The following WDR49 variants were observed in gnomAD, a reference collection of about 807,000 sequenced individuals.
WDR49 encodes cilia- and flagella-associated protein 337.
Under a neutral mutation model 119.5 loss-of-function variants are expected in WDR49, and 107 were observed. The ratio of observed to expected loss-of-function variants is 0.90; its 90% CI spans 0.77 to 1.05. WDR49 has a LOEUF of 1.05. Ranked by LOEUF, WDR49 falls within the 50% of genes least tolerant of loss-of-function variation. The pLI is 0.00. For missense variants in WDR49, 1,240 were observed against 1,220.5 expected, an observed-to-expected ratio of 1.02 and a Z score of -0.24; for synonymous variants, 425 against 418.8, an observed-to-expected ratio of 1.01 and a Z score of -0.18.
At chr3:167,491,040 T>G (rs1333304277) in intron 18 of WDR49, among the ~76,000 whole-genome samples, 12 of 152,096 alleles carry the variant, frequency 7.9e-5, no homozygotes, top group South Asian at 4.1e-4. Flanking sequence ...CAGATCCCTA[T>G]ACAGACTTTT....
chr3:167,535,846 T>A (rs1753002939), intron 11 of WDR49, among the ~76,000 whole-genome samples: 1 of 152,016 alleles, frequency 6.6e-6, no homozygotes, highest in African/African-American at 2.4e-5. Context: ...TGTCCATCAA[T>A]GAATAAATGA....
At chr3:167,607,757 A>G (rs1716132531) in intron 5 of WDR49, among the ~76,000 whole-genome samples, 1 of 151,946 alleles carries the variant, frequency 6.6e-6, no homozygotes, top group Admixed American at 6.6e-5. Flanking sequence ...TCAATCCCAA[A>G]CCAAGCCCCT....
intron 2 of WDR49, chr3:167,633,475 G>C (rs1489743384): frequency 6.6e-6 from 3 of 456,090 alleles, no homozygotes; most frequent in Non-Finnish European, 1.3e-5. Context: ...AGTAATCCCA[G>C]CTTCTGTCTT....
intron 9 of WDR49, among the ~76,000 whole-genome samples, chr3:167,555,505 C>T (rs561718694): frequency 1.3e-5 from 2 of 152,098 alleles, no homozygotes; most frequent in African/African-American, 4.8e-5. Flanking sequence ...ATTTACAGCC[C>T]GTCAGTCAGA....
intron 18 of WDR49, among the ~76,000 whole-genome samples, chr3:167,489,009 A>T (rs1310838260): frequency 2.6e-5 from 4 of 152,070 alleles, no homozygotes; most frequent in African/African-American, 9.7e-5. Context: ...ACCTTCACTG[A>T]TGTTCTTCCT....
Position 167,478,953 on chromosome 3 carries a change from T to G in WDR49, c.3075A>C (p.Glu1025Asp), listed in dbSNP as rs953312344. Residue 1025 changes from glutamate (E) to aspartate (D), a missense_variant, in exon 19 of 19, where the codon GAA becomes GAC. By Grantham distance (45) the Glu-to-Asp change is conservative. Transcript: ENST00000682715. Reference sequence around the variant, plus strand: ...TGGCTTTTCGTTCATGATGCAGAATTTCCTTGGGAAACAGGTTTTTCTCAT... The same window carrying G: ...TGGCTTTTCGTTCATGATGCAGAATGTCCTTGGGAAACAGGTTTTTCTCAT... ...VFDEKNLFPK[E>D]ILHHERKAKQ... The G allele has an allele frequency of 2.2e-5, 36 of 1,609,224 alleles. No homozygotes were observed. The highest frequency in any genetic ancestry group is 2.9e-5 in the Non-Finnish European group (34 of 1,178,908).
chr3:167,542,840 A>C (rs896045617), intron 10 of WDR49, among the ~76,000 whole-genome samples: 2 of 152,070 alleles, frequency 1.3e-5, no homozygotes, highest in Non-Finnish European at 2.9e-5. Context: ...TGCAAAAGAT[A>C]AATGCAACAT....
At position 167,575,908 on chromosome 3, in the gene WDR49, G is replaced by A. The variant is rs1431590021; in HGVS notation, c.1509+10C>T. The A allele has an allele frequency of 1.2e-6, 2 of 1,611,872 alleles. No homozygotes were observed. The highest frequency in any genetic ancestry group is 2.2e-5 in the South Asian group (2 of 90,964). On this transcript the variant is annotated intron_variant, in intron 8 of 18. Coordinates refer to ENST00000682715, the MANE Select transcript of WDR49 (RefSeq NM_001366157.1). ...TGTTAGGAGAGTGAAAGAAAAGAAA[G>A]CATCATTACCTGCTTCAAGATAGAA...
At chr3:167,630,281 C>T (rs1415642298) in intron 2 of WDR49, among the ~76,000 whole-genome samples, 4 of 152,044 alleles carry the variant, frequency 2.6e-5, no homozygotes, top group African/African-American at 9.7e-5. Flanking sequence ...TACCTCTCGC[C>T]AAAGGCTCAG....
intron 2 of WDR49, among the ~76,000 whole-genome samples, chr3:167,631,303 AAAAT>A (rs1172859857): frequency 3.3e-5 from 5 of 152,114 alleles, no homozygotes; most frequent in Admixed American, 1.3e-4. Flanking sequence ...CATATGGTAA[AAAAT>A]AAATAAATAA....
At chr3:167,601,471 T>A (rs776634358) in intron 7 of WDR49, among the ~76,000 whole-genome samples, 11 of 152,176 alleles carry the variant, frequency 7.2e-5, no homozygotes, top group Non-Finnish European at 1.2e-4. Flanking sequence ...ATCTTTAAGT[T>A]GGGCATTAGT....
chr3:167,549,137 G>C (rs1712389913), intron 10 of WDR49, among the ~76,000 whole-genome samples: 1 of 152,266 alleles, frequency 6.6e-6, no homozygotes. Flanking sequence ...ATTGTGAATA[G>C]TGCCACAATA....
intron 10 of WDR49, among the ~76,000 whole-genome samples, chr3:167,544,982 A>G (rs1712089268): frequency 6.6e-6 from 1 of 152,036 alleles, no homozygotes; most frequent in Admixed American, 6.6e-5. Flanking sequence ...ACAAGAACTC[A>G]AACAAATCAG....
At chr3:167,608,298 A>C (rs1215708502) in intron 5 of WDR49, among the ~76,000 whole-genome samples, 1 of 152,204 alleles carries the variant, frequency 6.6e-6, no homozygotes, top group Admixed American at 6.5e-5. Flanking sequence ...GAAATCCCAT[A>C]ATATAATTAC....
At chr3:167,480,452 G>A (rs999336056) in intron 18 of WDR49, among the ~76,000 whole-genome samples, 1 of 151,854 alleles carries the variant, frequency 6.6e-6, no homozygotes, top group Non-Finnish European at 1.5e-5. Flanking sequence ...ACAGTATAGT[G>A]GCATCTTTAT....
At position 167,536,939 on chromosome 3, in the gene WDR49, T is replaced by C; in HGVS notation, c.1885A>G (p.Lys629Glu). ...NQFFIQPEEW[K>E]GGIQHHDDIL... ...TCATCATGGTGCTGTATACCTCCTT[T>C]CCATTCTTCAGGCTGGATGAAAAAT... Residue 629 changes from lysine (K) to glutamate (E), a missense_variant, in exon 11 of 19, where the codon AAA becomes GAA. By Grantham distance (56) the Lys-to-Glu change is moderately conservative. Transcript: ENST00000682715. 1 of 1,590,420 alleles carries C rather than the reference T, an allele frequency of 6.3e-7. No individual in the cohort carries two copies. The highest frequency in any genetic ancestry group is 8.6e-7 in the Non-Finnish European group (1 of 1,169,002).
intron 2 of WDR49, among the ~76,000 whole-genome samples, chr3:167,628,811 TAGGACTTTCGTAGCTGAG>T (rs1717242231): frequency 6.6e-6 from 1 of 152,164 alleles, no homozygotes; most frequent in South Asian, 2.1e-4. Context: ...AGATGCCATT[TAGGACTTTCGTAGCTGAG>T]AGAAAAAGTC....
Position 167,551,339 on chromosome 3 carries a change from G to C in WDR49, c.1823+3311C>G, listed in dbSNP as rs920591792. On this transcript the variant is annotated intron_variant, in intron 10 of 18. Coordinates refer to ENST00000682715, the MANE Select transcript of WDR49 (RefSeq NM_001366157.1). ...TTAAAAAATATATATGGGAAGGAAA[G>C]GGGAAAAAAAGAGAGTAAGCTATAT... Among the ~76,000 whole-genome samples the C allele has an allele frequency of 2.6e-5, 4 of 151,812 alleles. No homozygotes were observed. In the East Asian group the frequency reaches 7.7e-4, roughly 29 times the overall value.
intron 2 of WDR49, among the ~76,000 whole-genome samples, chr3:167,643,970 C>CA (rs1276578963): frequency 6.6e-6 from 1 of 150,418 alleles, no homozygotes; most frequent in Non-Finnish European, 1.5e-5. Flanking sequence ...AGAAAAGAAA[C>CA]AAAAACTGGC....
Sources: allele counts gnomAD v4.1 joint callset (sites outside exome capture counted in the v4.1 genomes callset), GRCh38; gene constraint gnomAD v4.1.1; transcripts MANE v1.5; gene names NCBI Gene and HGNC (gene_info 2026-07-23, HGNC 2026-07-21).